Variants in AGO2 observed in about 807,000 individuals in gnomAD.
The protein encoded by AGO2 is protein argonaute-2.
In AGO2, 5 loss-of-function variants were observed where a neutral mutation model predicts 102.3. That is an observed-to-expected ratio of 0.05 (90% confidence interval 0.03 to 0.10). The LOEUF is 0.10. Ranked by LOEUF, AGO2 falls within the 10% of genes least tolerant of loss-of-function variation. The pLI is 1.00. For synonymous variants in AGO2, 449 were observed against 473.1 expected, an observed-to-expected ratio of 0.95 and a Z score of 0.66; for missense variants, 541 against 1,183.7, an observed-to-expected ratio of 0.46 and a Z score of 7.97.
rs150674738 is a variant in AGO2, at chr8:140,631,157, CA to C, written c.22+4327del. ...CCTCAACAAAACGGAGCCCAAAAAA[CA>C]AAAATTTTGAGCAATGGGGCTCTTT... On this transcript the variant is annotated intron_variant, in intron 1 of 18. Coordinates refer to ENST00000220592, the MANE Select transcript of AGO2 (RefSeq NM_012154.5). 3.0e-3 allele frequency among the ~76,000 whole-genome samples: 450 copies of C among 151,004 alleles called. 2 individuals are homozygous for C. The highest frequency in any genetic ancestry group is 5.1e-3 in the Non-Finnish European group (344 of 67,804).
chr8:140,549,528 T>C (rs911578787), intron 11 of AGO2, among the ~76,000 whole-genome samples: 1 of 152,272 alleles, frequency 6.6e-6, no homozygotes, highest in African/African-American at 2.4e-5. Context: ...AACATGTAAG[T>C]GCACTCAAAA....
intron 9 of AGO2, 25 bp downstream of exon 9, chr8:140,556,142 A>T (rs1340850981): frequency 6.2e-7 from 1 of 1,614,030 alleles, no homozygotes; most frequent in Non-Finnish European, 8.5e-7. Context: ...TCCACAGGGC[A>T]GCCCTGCCCG....
intron 1 of AGO2, among the ~76,000 whole-genome samples, chr8:140,598,754 C>G (rs1035328593): frequency 6.6e-6 from 1 of 152,216 alleles, no homozygotes; most frequent in African/African-American, 2.4e-5. Flanking sequence ...GGAGCTACAC[C>G]TGCCCCAACA....
chr8:140,606,184 A>T (rs1437182540), intron 1 of AGO2, among the ~76,000 whole-genome samples: 1 of 152,218 alleles, frequency 6.6e-6, no homozygotes, highest in Non-Finnish European at 1.5e-5. Context: ...GGCATCGATG[A>T]CATTTTAATT....
chr8:140,572,847 A>G lies in AGO2; in HGVS notation c.301T>C (p.Tyr101His). Residue 101 changes from tyrosine to histidine, a missense_variant, in exon 3 of 19, where the codon TAC (tyrosine) becomes CAC (histidine). This residue lies in a region of AGO2 where 147 missense variants were observed against 204.1 expected (regional missense o/e 0.72). Transcript: ENST00000220592. ...KPVFDGRKNL[Y>H]TAMPLPIGRD... ...CCAATCGGAAGGGGCATGGCTGTGTATAGATTCTTCCTGCCGTCAAACACG... is the reference window on the plus strand; with the variant it reads ...CCAATCGGAAGGGGCATGGCTGTGTGTAGATTCTTCCTGCCGTCAAACACG... 1 of 1,614,052 alleles carries G rather than the reference A, an allele frequency of 6.2e-7. No homozygotes were observed. Among genetic ancestry groups the G allele is most frequent in the Non-Finnish European group, 8.5e-7 (1 of 1,179,976 alleles).
Position 140,539,300 on chromosome 8 carries a change from G to A in AGO2, c.2169+20C>T. The A allele has an allele frequency of 6.3e-7, 1 of 1,590,808 alleles. No individual in the cohort carries two copies. The highest frequency in any genetic ancestry group is 8.6e-7 in the Non-Finnish European group (1 of 1,166,192). On this transcript the variant is annotated intron_variant, in intron 16 of 18. Transcript: ENST00000220592. This position sits in a 1 kb window ranked among gnomAD's most constrained non-coding sequence, Gnocchi z 4.7. ...GAGGGGAGAACCGTGCCCCCTGCCT[G>A]GAGTCATGCAGAAACTCACCCGCTC...
intron 2 of AGO2, among the ~76,000 whole-genome samples, chr8:140,577,033 CTG>C (rs1381623141): frequency 6.6e-6 from 1 of 152,008 alleles, no homozygotes. Flanking sequence ...CAATGAAACC[CTG>C]TCTCTACTTA....
chr8:140,547,781 G>A (rs2944767), intron 12 of AGO2, among the ~76,000 whole-genome samples, 154 bp from the exon 13 acceptor site: 31,394 of 152,204 alleles, frequency 0.21, 4,158 homozygotes, highest in African/African-American at 0.38. Flanking sequence ...GTCCGAGGTC[G>A]GTGATAGAAG....
intron 2 of AGO2, among the ~76,000 whole-genome samples, chr8:140,579,639 T>A (rs2073522790): frequency 6.6e-6 from 1 of 151,874 alleles, no homozygotes; most frequent in African/African-American, 2.4e-5. Context: ...CACTTCCTAC[T>A]GATACTTAGA....
At chr8:140,605,392 C>G (rs1384369892) in intron 1 of AGO2, among the ~76,000 whole-genome samples, 1 of 152,178 alleles carries the variant, frequency 6.6e-6, no homozygotes, top group Admixed American at 6.5e-5. Context: ...CCAATGCACC[C>G]GCCCTTAAAA....
chr8:140,604,761 A>C (rs1454324615), intron 1 of AGO2, among the ~76,000 whole-genome samples: 1 of 151,514 alleles, frequency 6.6e-6, no homozygotes, highest in Non-Finnish European at 1.5e-5. Flanking sequence ...TGGGAGGTGG[A>C]GCTTGCAGTG....
At chr8:140,626,659 G>A (rs1179901956) in intron 1 of AGO2, 2 of 152,338 alleles carry the variant, frequency 1.3e-5, no homozygotes, top group African/African-American at 4.8e-5. Flanking sequence ...ACCTGAGCCT[G>A]CGCTCAGGGT....
Position 140,539,478 on chromosome 8 carries a change from T to C in AGO2, c.2035-24A>G, listed in dbSNP as rs778794950. The C allele has an allele frequency of 3.8e-6, 6 of 1,598,304 alleles. No individual in the cohort carries two copies. In the African/African-American group the frequency reaches 8.1e-5, roughly 22 times the overall value. Reference sequence around the variant, plus strand: ...ACCTAGGGGTACGGGAGGGAGGAGGTTGTGCTTAAAGATGGTAGTGCATGT... The same window carrying C: ...ACCTAGGGGTACGGGAGGGAGGAGGCTGTGCTTAAAGATGGTAGTGCATGT... On this transcript the variant is annotated intron_variant, in intron 15 of 18. Transcript: ENST00000220592. This position sits in a 1 kb window ranked among gnomAD's most constrained non-coding sequence, Gnocchi z 4.7.
chr8:140,600,881 G>A (rs540970651), intron 1 of AGO2, among the ~76,000 whole-genome samples: 61 of 150,910 alleles, frequency 4.0e-4, no homozygotes, highest in Non-Finnish European at 8.4e-4. Flanking sequence ...GCAGTGAGCC[G>A]AGATCACACC....
intron 12 of AGO2, among the ~76,000 whole-genome samples, chr8:140,547,875 T>A (rs540934998): frequency 6.6e-6 from 1 of 152,346 alleles, no homozygotes; most frequent in Admixed American, 6.5e-5. Flanking sequence ...CAGGCCAGGC[T>A]TTCCCTCCCT....
chr8:140,629,668 CGTCTCT>C (rs2074317765), intron 1 of AGO2, among the ~76,000 whole-genome samples: 1 of 151,626 alleles, frequency 6.6e-6, no homozygotes, highest in Non-Finnish European at 1.5e-5. Context: ...AGGGAAACCC[CGTCTCT>C]CCACAAACTT....
Position 140,522,744 on chromosome 8 carries a change from A to C in AGO2, c.*9300T>G, listed in dbSNP as rs2072438885. The C allele has an allele frequency of 6.6e-6, 1 of 151,052 alleles. No homozygotes were observed. Among genetic ancestry groups the C allele is most frequent in the South Asian group, 2.1e-4 (1 of 4,764 alleles). 9.4% of individuals were successfully genotyped at this position (151,052 alleles called of 1,614,324 possible). A position where few individuals can be genotyped will look rare whatever the true frequency, so the allele number is the denominator to read the frequency against. ...GAGAGGGGGAGAGAGAGAGAGAGAG[A>C]GAGAGGTGTATCACTGAATGCTTCC... On this transcript the variant is annotated 3_prime_UTR_variant, in exon 19 of 19. Coordinates refer to ENST00000220592, the MANE Select transcript of AGO2 (RefSeq NM_012154.5).
chr8:140,556,827 G>A lies in AGO2; in HGVS notation c.1026+262C>T, dbSNP rs115545919. ...GGTGCAGTGACGGAGCACCTGCCTC[G>A]CGCTGCGGGGCCTGCTGGACACGTT... On this transcript the variant is annotated intron_variant, in intron 8 of 18. Transcript: ENST00000220592. Among the ~76,000 whole-genome samples the A allele has an allele frequency of 1.9e-3, 291 of 152,202 alleles. 1 individual carries two copies. Among genetic ancestry groups the A allele is most frequent in the African/African-American group, 6.6e-3 (275 of 41,528 alleles).
intron 14 of AGO2, among the ~76,000 whole-genome samples, chr8:140,542,358 G>T (rs1315980666): frequency 6.6e-6 from 1 of 152,194 alleles, no homozygotes. Flanking sequence ...TACAGAACAA[G>T]TTCTTTCCCA....
Sources: allele counts gnomAD v4.1 joint callset (sites outside exome capture counted in the v4.1 genomes callset), GRCh38; gene constraint gnomAD v4.1.1; regional missense constraint gnomAD v4.1.1; non-coding constraint Gnocchi (gnomAD v3.1); transcripts MANE v1.5; gene names NCBI Gene and HGNC (gene_info 2026-07-23, HGNC 2026-07-21).